The following CTTN variants were observed in gnomAD, a reference collection of about 807,000 sequenced individuals.
The protein encoded by CTTN is src substrate cortactin.
A neutral mutation model predicts 84.0 loss-of-function variants in CTTN; 28 were observed. The observed-to-expected ratio is 0.33, with a 90% CI of 0.25 to 0.46. CTTN has a LOEUF of 0.46. Ranked by LOEUF, CTTN falls within the 20% of genes least tolerant of loss-of-function variation. The pLI is 1.00. For synonymous variants in CTTN, 301 were observed against 288.8 expected, an observed-to-expected ratio of 1.04 and a Z score of -0.43; for missense variants, 641 against 723.8, an observed-to-expected ratio of 0.89 and a Z score of 1.31.
intron 12 of CTTN, 71 bp from the exon 13 acceptor site, chr11:70,425,260 TG>T: frequency 1.6e-6 from 2 of 1,225,036 alleles, no homozygotes; most frequent in Non-Finnish European, 2.4e-6. Context: ...CATTTGCATC[TG>T]GCAGGAGCTA....
chr11:70,425,805 A>T (rs1277003036), intron 13 of CTTN, among the ~76,000 whole-genome samples: 1 of 152,194 alleles, frequency 6.6e-6, no homozygotes, highest in East Asian at 1.9e-4. Context: ...GACAGCAGAC[A>T]TTCTCTCTGC....
At chr11:70,413,424 G>A (rs768630588) in intron 5 of CTTN, among the ~76,000 whole-genome samples, 2 of 152,242 alleles carry the variant, frequency 1.3e-5, no homozygotes, top group Non-Finnish European at 1.5e-5. Flanking sequence ...CAGGGCCAGT[G>A]CTTTGAGGTA....
intron 5 of CTTN, among the ~76,000 whole-genome samples, chr11:70,411,744 C>T (rs1342913129): frequency 1.3e-5 from 2 of 152,148 alleles, no homozygotes; most frequent in Non-Finnish European, 2.9e-5. Context: ...CAGGCCTTCC[C>T]GAGTGCCAGG....
chr11:70,422,971 G>A lies in CTTN; in HGVS notation c.933G>A (p.Gly311=). ...DYSKGFGGKY[G]VQKDRMDKNA... is the part of the protein sequence containing the mutation. ...CCAAAGGATTCGGCGGGAAGTATGG[G>A]GTGCAGAAGGATCGGATGGATAAGG... Residue 311 remains glycine, a synonymous_variant, in exon 12 of 18, where the codon GGG becomes GGA. Coordinates refer to ENST00000301843, the MANE Select transcript of CTTN (RefSeq NM_005231.4). 6.2e-7 allele frequency: 1 copy of A among 1,613,974 alleles called. No individual in the cohort carries two copies. Among genetic ancestry groups the A allele is most frequent in the African/African-American group, 1.3e-5 (1 of 74,972 alleles).
At position 70,435,180 on chromosome 11, in the gene CTTN, C is replaced by A; in HGVS notation, c.*18C>A. ...GGCAGTAGGGCCCCCAGCCCCCCCC[C>A]GGAGCTGCGCCCTGGATCCTCACAC... On this transcript the variant is annotated 3_prime_UTR_variant, in exon 18 of 18. Coordinates refer to ENST00000301843, the MANE Select transcript of CTTN (RefSeq NM_005231.4). 6.3e-7 allele frequency: 1 copy of A among 1,595,794 alleles called. No individual in the cohort carries two copies. Among genetic ancestry groups the A allele is most frequent in the Non-Finnish European group, 8.5e-7 (1 of 1,173,212 alleles).
intron 12 of CTTN, 99 bp downstream of exon 12, chr11:70,423,094 G>T: frequency 7.1e-7 from 1 of 1,406,916 alleles, no homozygotes; most frequent in Non-Finnish European, 1.0e-6. Flanking sequence ...CTGGGGTGGG[G>T]CACAAGTGAT....
In CTTN at chr11:70,435,330, G is replaced by C; in HGVS notation, c.*168G>C. ...TGCTTTTATATTTAATACTTTTGCTGATGCTTTTGAAAATGTTTATGCCAC... is the reference window on the plus strand; with the variant it reads ...TGCTTTTATATTTAATACTTTTGCTCATGCTTTTGAAAATGTTTATGCCAC... On this transcript the variant is annotated 3_prime_UTR_variant, in exon 18 of 18. Coordinates refer to ENST00000301843, the MANE Select transcript of CTTN (RefSeq NM_005231.4). 7.3e-7 allele frequency: 1 copy of C among 1,362,880 alleles called. No individual in the cohort carries two copies. Among genetic ancestry groups the C allele is most frequent in the African/African-American group, 1.6e-5 (1 of 62,622 alleles). 84.4% of individuals were successfully genotyped at this position (1,362,880 alleles called of 1,614,324 possible).
intron 13 of CTTN, among the ~76,000 whole-genome samples, chr11:70,427,022 G>A (rs1254441772): frequency 2.6e-5 from 4 of 151,808 alleles, no homozygotes; most frequent in African/African-American, 9.7e-5. Context: ...AGGCATGAGC[G>A]ACATTGGAAA....
intron 9 of CTTN, chr11:70,420,081 T>A (rs2058213093): frequency 5.0e-6 from 3 of 600,452 alleles, no homozygotes; most frequent in Non-Finnish European, 8.8e-6. Flanking sequence ...TTGCTTATCG[T>A]GGTGGCCACA....
At chr11:70,401,062 G>T (rs763138811) in intron 1 of CTTN, among the ~76,000 whole-genome samples, 1 of 152,160 alleles carries the variant, frequency 6.6e-6, no homozygotes, top group Admixed American at 6.5e-5. Flanking sequence ...TGCCAGGCTC[G>T]GTGGCTCACA....
intron 5 of CTTN, among the ~76,000 whole-genome samples, chr11:70,411,247 C>T (rs2058093240): frequency 6.9e-6 from 1 of 144,118 alleles, no homozygotes; most frequent in Admixed American, 6.9e-5. Context: ...TGCACACGGA[C>T]AGACGGAATC....
chr11:70,407,444 T>G, intron 3 of CTTN, 60 bp downstream of exon 3: 1 of 1,613,026 alleles, frequency 6.2e-7, no homozygotes, highest in Non-Finnish European at 8.5e-7. Context: ...CTCCTGGGTT[T>G]TTCTTTGATG....
At chr11:70,421,606 C>G (rs186344096) in intron 11 of CTTN, 26 bp downstream of exon 11, 1 of 1,538,706 alleles carries the variant, frequency 6.5e-7, no homozygotes, top group East Asian at 2.2e-5. Flanking sequence ...GCCTCCTACC[C>G]TCCCCCCGAC....
intron 1 of CTTN, among the ~76,000 whole-genome samples, chr11:70,402,689 T>A (rs988062459): frequency 6.6e-6 from 1 of 152,236 alleles, no homozygotes; most frequent in Admixed American, 6.5e-5. Flanking sequence ...CAGAATAAAA[T>A]GCCTTTGTGT....
At chr11:70,422,853 T>C in intron 11 of CTTN, 87 bp from the exon 12 acceptor site, 2 of 1,599,424 alleles carry the variant, frequency 1.3e-6, no homozygotes, top group Non-Finnish European at 1.7e-6. Context: ...CTTCTTGGGC[T>C]GTTTCTGGAT....
chr11:70,428,413 C>G (rs2058321928), intron 13 of CTTN, among the ~76,000 whole-genome samples: 1 of 151,974 alleles, frequency 6.6e-6, no homozygotes, highest in South Asian at 2.1e-4. Flanking sequence ...ATCCGCCCAC[C>G]TTAGCCTCCC....
At chr11:70,425,306 C>A in intron 12 of CTTN, 26 bp from the exon 13 acceptor site, 1 of 1,596,470 alleles carries the variant, frequency 6.3e-7, no homozygotes, top group East Asian at 2.2e-5. Context: ...AAGTGCTCTC[C>A]TGACGCCCAT....
At chr11:70,405,711 G>A (rs1444141826) in intron 2 of CTTN, among the ~76,000 whole-genome samples, 4 of 152,156 alleles carry the variant, frequency 2.6e-5, no homozygotes, top group Non-Finnish European at 4.4e-5. Context: ...AGCTGTGTCC[G>A]GGAAGATGAG....
chr11:70,418,145 A>G (rs1257009509), intron 8 of CTTN, among the ~76,000 whole-genome samples: 1 of 152,018 alleles, frequency 6.6e-6, no homozygotes, highest in African/African-American at 2.4e-5. Context: ...ATTACCCCAA[A>G]GCAAGAAACA....
Sources: allele counts gnomAD v4.1 joint callset (sites outside exome capture counted in the v4.1 genomes callset), GRCh38; gene constraint gnomAD v4.1.1; transcripts MANE v1.5; gene names NCBI Gene and HGNC (gene_info 2026-07-23, HGNC 2026-07-21).